The following RNF168 variants were observed in gnomAD, a reference collection of about 807,000 sequenced individuals.
RNF168 encodes the protein ring finger protein 168.
In RNF168, 34 loss-of-function variants were observed where a neutral mutation model predicts 34.9. That is an observed-to-expected ratio of 0.97 (90% CI 0.74 to 1.30). The LOEUF (loss-of-function observed/expected upper bound fraction) is 1.30. Among genes scored for constraint, RNF168 ranks in the 50% most tolerant of loss-of-function variants. RNF168 has a pLI of 0.00. For missense variants in RNF168, 725 were observed against 682.5 expected (o/e 1.06, Z -0.69); for synonymous variants, 264 against 254.7 (o/e 1.04, Z -0.35).
chr3:196,474,676 G>A (rs1732100904), intron 5 of RNF168: 1 of 155,930 alleles, frequency 6.4e-6, no homozygotes, highest in Admixed American at 6.2e-5. Context: ...TCGAACCCCT[G>A]ACCTCAGATA....
chr3:196,475,011 C>G, intron 5 of RNF168: 1 of 521,114 alleles, frequency 1.9e-6, no homozygotes, highest in Non-Finnish European at 3.5e-6. Context: ...AATATTCACT[C>G]TCTTAGAGAA....
chr3:196,495,120 C>A lies in RNF168; in HGVS notation c.302-6437G>T, dbSNP rs1732706612. On this transcript the variant is annotated intron_variant, in intron 1 of 5. Transcript: ENST00000318037. ...GAAATTGCAAAAATAGTATGATAAA[C>A]CCCCGTTTAACCTGCATTTAGATTC... Among the ~76,000 whole-genome samples, 4 of 152,110 alleles carry A rather than the reference C, an allele frequency of 2.6e-5. No homozygotes were observed. The South Asian group carries it at 6.2e-4, about 24-fold the overall frequency.
chr3:196,472,769 T>C lies in RNF168; in HGVS notation c.766A>G (p.Ile256Val), dbSNP rs537701160. 1.4e-5 allele frequency: 23 copies of C among 1,596,464 alleles called. No individual in the cohort carries two copies. In the East Asian group the frequency reaches 2.0e-4, roughly 14 times the overall value. The change falls in exon 6 of 6, where the codon ATT becomes GTT. Residue 256 changes from isoleucine to valine, a missense_variant. Physicochemically the swap from Ile to Val is conservative, Grantham distance 29. Transcript: ENST00000318037. ...EVRKDSVSKD[I>V]DSSDRKSPTG... ...GGGCTTTTCCTATCACTACTGTCAA[T>C]GTCCTGTAGAAAACAGAAAAAGACT...
chr3:196,482,797 CT>C (rs1276018579), intron 4 of RNF168, among the ~76,000 whole-genome samples: 2 of 152,116 alleles, frequency 1.3e-5, no homozygotes, highest in Non-Finnish European at 2.9e-5. Context: ...TATTTGTCTT[CT>C]GTTGTTGAGT....
chr3:196,498,478 C>T (rs1373960340), intron 1 of RNF168, among the ~76,000 whole-genome samples: 1 of 151,934 alleles, frequency 6.6e-6, no homozygotes, highest in Non-Finnish European at 1.5e-5. Flanking sequence ...TTCTACGTTG[C>T]GTAATTCCAG....
intron 3 of RNF168, 94 bp downstream of exon 3, chr3:196,487,304 TG>T: frequency 9.0e-7 from 1 of 1,107,938 alleles, no homozygotes; most frequent in Non-Finnish European, 1.4e-6. Flanking sequence ...ATGCAGAACC[TG>T]GAAATACAAG....
intron 2 of RNF168, among the ~76,000 whole-genome samples, chr3:196,488,114 T>C (rs1187528423): frequency 6.6e-6 from 1 of 152,138 alleles, no homozygotes; most frequent in Admixed American, 6.6e-5. Context: ...TAGGGAACAC[T>C]ATCACATAAG....
chr3:196,500,174 A>G (rs954142782), intron 1 of RNF168, among the ~76,000 whole-genome samples: 1 of 152,218 alleles, frequency 6.6e-6, no homozygotes, highest in African/African-American at 2.4e-5. Flanking sequence ...AAAGAATAGA[A>G]AACAGGCCCC....
intron 3 of RNF168, among the ~76,000 whole-genome samples, chr3:196,485,489 CAAA>C (rs63692263): frequency 1.4e-5 from 2 of 145,552 alleles, no homozygotes; most frequent in Non-Finnish European, 1.5e-5. Flanking sequence ...ACTCTTGTCT[CAAA>C]AAAAAAAAAA....
In RNF168 at chr3:196,471,993, T is replaced by C; in HGVS notation, c.1542A>G (p.Ser514=). Residue 514 remains serine (S), a synonymous_variant, in exon 6 of 6, where the codon TCA becomes TCG. Coordinates refer to ENST00000318037, the MANE Select transcript of RNF168 (RefSeq NM_152617.4). The part of the protein sequence containing the change: ...HTKHPTPERG[S]RDKNRQVSLK... ...AAGACACTTGCCTATTTTTGTCCCT[T>C]GAGCCTCTCTCTGGTGTTGGATGCT... 6.2e-7 allele frequency: 1 copy of C among 1,613,070 alleles called. No homozygotes were observed. Among genetic ancestry groups the C allele is most frequent in the Non-Finnish European group, 8.5e-7 (1 of 1,179,068 alleles).
intron 4 of RNF168, among the ~76,000 whole-genome samples, chr3:196,476,771 C>CAA (rs1006906850): frequency 2.7e-5 from 4 of 149,604 alleles, no homozygotes; most frequent in African/African-American, 7.4e-5. Flanking sequence ...TTTTTTGAGA[C>CAA]AGAGTCTCAC....
chr3:196,484,217 C>T (rs978224947), intron 3 of RNF168, among the ~76,000 whole-genome samples: 1 of 145,272 alleles, frequency 6.9e-6, no homozygotes, highest in Non-Finnish European at 1.5e-5. Context: ...GTTGCCCAGG[C>T]TGGAGTGCAG....
At chr3:196,502,493 C>A (rs1032943239) in intron 1 of RNF168, among the ~76,000 whole-genome samples, 1 of 151,548 alleles carries the variant, frequency 6.6e-6, no homozygotes, top group Non-Finnish European at 1.5e-5. Context: ...GAGGCTGAGG[C>A]AGGAGAATCG....
intron 4 of RNF168, among the ~76,000 whole-genome samples, chr3:196,478,956 C>T (rs1732220224): frequency 6.7e-6 from 1 of 149,974 alleles, no homozygotes; most frequent in African/African-American, 2.5e-5. Flanking sequence ...ATCCACCCAC[C>T]TCGGCTTCCC....
At chr3:196,485,200 T>G (rs73214001) in intron 3 of RNF168, among the ~76,000 whole-genome samples, 9,928 of 152,246 alleles carry the variant, frequency 0.065, 401 homozygotes, top group Middle Eastern at 0.2. Flanking sequence ...CACCAAACTT[T>G]CATAAATAAA....
At chr3:196,495,280 CTT>C (rs960730706) in intron 1 of RNF168, among the ~76,000 whole-genome samples, 9 of 152,228 alleles carry the variant, frequency 5.9e-5, no homozygotes, top group African/African-American at 1.7e-4. Flanking sequence ...GTCCTTATCT[CTT>C]GATTTGATAT....
intron 5 of RNF168, among the ~76,000 whole-genome samples, chr3:196,473,287 T>C (rs1732058358): frequency 6.6e-6 from 1 of 152,202 alleles, no homozygotes; most frequent in African/African-American, 2.4e-5. Context: ...CTTCTGAGAA[T>C]AATGTTTTTA....
chr3:196,502,290 G>C (rs1355258531), intron 1 of RNF168, among the ~76,000 whole-genome samples: 1 of 151,962 alleles, frequency 6.6e-6, no homozygotes, highest in Non-Finnish European at 1.5e-5. Context: ...GAGATGTATA[G>C]ATAAGTAAAT....
rs1202778102 is a variant in RNF168, at chr3:196,470,038, T to G, written c.*1781A>C. Reference sequence around the variant, plus strand: ...CTGCCAAACTGCCCCTGCTGCGTCATAGTGGACCAGTTTCAATGATCCAGA... The same window carrying G: ...CTGCCAAACTGCCCCTGCTGCGTCAGAGTGGACCAGTTTCAATGATCCAGA... On this transcript the variant is annotated 3_prime_UTR_variant, in exon 6 of 6. Coordinates refer to ENST00000318037, the MANE Select transcript of RNF168 (RefSeq NM_152617.4). 6.6e-6 allele frequency: 1 copy of G among 152,314 alleles called. No individual in the cohort carries two copies. Among genetic ancestry groups the G allele is most frequent in the African/African-American group, 2.4e-5 (1 of 41,452 alleles). 9.4% of individuals were successfully genotyped at this position (152,314 alleles called of 1,614,324 possible). A position where few individuals can be genotyped will look rare whatever the true frequency, so the allele number is the denominator to read the frequency against.
Sources: allele counts gnomAD v4.1 joint callset (sites outside exome capture counted in the v4.1 genomes callset), GRCh38; gene constraint gnomAD v4.1.1; transcripts MANE v1.5; gene names NCBI Gene and HGNC (gene_info 2026-07-23, HGNC 2026-07-21).